The following EPHA6 variants were observed in gnomAD, a reference collection of about 807,000 sequenced individuals.
EPHA6 encodes ephrin type-A receptor 6.
In EPHA6, 50 loss-of-function variants were observed where a neutral mutation model predicts 112.0. The ratio of observed to expected loss-of-function variants is 0.45; its 90% CI spans 0.36 to 0.56. EPHA6 has a LOEUF of 0.56. EPHA6 is among the 20% of genes least tolerant of loss of function. The pLI, the probability that EPHA6 is intolerant of heterozygous loss-of-function variation, is 0.00. For missense variants in EPHA6, 1,280 were observed against 1,417.4 expected (o/e 0.90, Z 1.56); for synonymous variants, 529 against 490.7 (o/e 1.08, Z -1.03).
At chr3:97,164,333 C>T (rs577137090) in intron 3 of EPHA6, among the ~76,000 whole-genome samples, 5 of 152,250 alleles carry the variant, frequency 3.3e-5, no homozygotes, top group African/African-American at 4.8e-5. Flanking sequence ...TTTGCCTCCA[C>T]GTAACCACAG....
chr3:97,375,458 G>A (rs772844132), intron 5 of EPHA6, among the ~76,000 whole-genome samples: 1 of 152,014 alleles, frequency 6.6e-6, no homozygotes, highest in Non-Finnish European at 1.5e-5. Context: ...AAAAGCTATT[G>A]AGCATTATTT....
At chr3:96,921,581 C>CTT (rs779978249) in intron 2 of EPHA6, among the ~76,000 whole-genome samples, 2 of 141,798 alleles carry the variant, frequency 1.4e-5, no homozygotes, top group Non-Finnish European at 3.1e-5. Context: ...AAATACACAA[C>CTT]TTTTTTTTTT....
At position 97,189,780 on chromosome 3, in the gene EPHA6, T is replaced by G. The variant is rs143272570; in HGVS notation, c.1115-36484T>G. Among the ~76,000 whole-genome samples the G allele has an allele frequency of 9.3e-3, 1,417 of 152,232 alleles. 7 individuals are homozygous for G. The highest frequency in any genetic ancestry group is 0.017 in the Middle Eastern group (5 of 294). On this transcript the variant is annotated intron_variant, in intron 3 of 17. Coordinates refer to ENST00000389672, the MANE Select transcript of EPHA6 (RefSeq NM_001080448.3). ...TTGTAGGTCATTATGTGACTATGAC[T>G]TAGTTCAGAAACTGTATCTTCTACC...
At chr3:97,570,001 C>T (rs940470856) in intron 11 of EPHA6, 2 of 152,120 alleles carry the variant, frequency 1.3e-5, no homozygotes, top group African/African-American at 2.4e-5. Flanking sequence ...TACCTAAAAA[C>T]AAATTTCTCA....
Position 96,814,672 on chromosome 3 carries a change from G to A in EPHA6, c.49G>A (p.Ala17Thr). The change falls in exon 1 of 18, where the codon GCA (alanine) becomes ACA (threonine). Residue 17 changes from alanine (A) to threonine (T), a missense_variant. Around this residue, in one of 4 missense-constraint regions of EPHA6, gnomAD observed 220 missense variants for 171.5 expected, o/e 1.28. Coordinates refer to ENST00000389672, the MANE Select transcript of EPHA6 (RefSeq NM_001080448.3). ...CGCGAGGAGCTCCCCGGCGCCGCAGGCAGCGTCCTCCTCCGAAGCAGCTGC... is the reference window on the plus strand; with the variant it reads ...CGCGAGGAGCTCCCCGGCGCCGCAGACAGCGTCCTCCTCCGAAGCAGCTGC... ...PAARSSPAPQ[A>T]ASSSEAAAPA... is the part of the protein sequence containing the mutation. 3 of 1,483,288 alleles carry A rather than the reference G, an allele frequency of 2.0e-6. No homozygotes were observed. Among genetic ancestry groups the A allele is most frequent in the Non-Finnish European group, 2.7e-6 (3 of 1,116,116 alleles). 91.9% of individuals were successfully genotyped at this position (1,483,288 alleles called of 1,614,324 possible).
At chr3:96,893,736 C>G (rs2038108038) in intron 2 of EPHA6, among the ~76,000 whole-genome samples, 1 of 152,122 alleles carries the variant, frequency 6.6e-6, no homozygotes, top group African/African-American at 2.4e-5. Flanking sequence ...AGAAGTCTAG[C>G]CTTCTCAGCA....
intron 13 of EPHA6, among the ~76,000 whole-genome samples, chr3:97,618,015 G>C (rs760621131): frequency 3.3e-5 from 5 of 152,042 alleles, no homozygotes; most frequent in Admixed American, 6.6e-5. Flanking sequence ...CTCTAAAATT[G>C]ATCACATAAT....
intron 16 of EPHA6, among the ~76,000 whole-genome samples, chr3:97,746,657 T>C (rs1002318769): frequency 2.6e-5 from 4 of 151,888 alleles, no homozygotes; most frequent in Admixed American, 6.6e-5. Context: ...GTAATACTTT[T>C]ATACTTCCCC....
chr3:96,866,953 T>A (rs1411984696), intron 2 of EPHA6, 64 bp downstream of exon 2: 1 of 932,582 alleles, frequency 1.1e-6, no homozygotes, highest in East Asian at 3.1e-5. Flanking sequence ...TAATAGTTGA[T>A]GGAACAGTGA....
At chr3:97,264,087 T>C (rs1421012966) in intron 5 of EPHA6, among the ~76,000 whole-genome samples, 1 of 152,252 alleles carries the variant, frequency 6.6e-6, no homozygotes, top group Non-Finnish European at 1.5e-5. Flanking sequence ...CTGAACTCTT[T>C]CCTTGTAATA....
chr3:97,106,977 G>A (rs2047589132), intron 3 of EPHA6, among the ~76,000 whole-genome samples: 2 of 152,166 alleles, frequency 1.3e-5, no homozygotes, highest in South Asian at 4.2e-4. Context: ...TGGTGATGGT[G>A]GGGTTACCAA....
intron 5 of EPHA6, among the ~76,000 whole-genome samples, chr3:97,276,548 G>A (rs967959345): frequency 6.6e-6 from 1 of 152,154 alleles, no homozygotes; most frequent in Non-Finnish European, 1.5e-5. Context: ...TTGTCTCATA[G>A]TGGAGGCAAG....
chr3:97,166,021 T>C (rs2108411476), intron 3 of EPHA6, among the ~76,000 whole-genome samples: 1 of 152,278 alleles, frequency 6.6e-6, no homozygotes, highest in East Asian at 1.9e-4. Context: ...TTTCATATTT[T>C]CATATGTCAT....
At chr3:96,928,647 A>T (rs1034192009) in intron 2 of EPHA6, among the ~76,000 whole-genome samples, 6 of 152,114 alleles carry the variant, frequency 3.9e-5, no homozygotes, top group African/African-American at 7.2e-5. Context: ...CTTGACTCAG[A>T]GCTGAGTTCA....
At chr3:97,543,991 G>C (rs2092907595) in intron 11 of EPHA6, among the ~76,000 whole-genome samples, 1 of 152,172 alleles carries the variant, frequency 6.6e-6, no homozygotes, top group Non-Finnish European at 1.5e-5. Context: ...GAGATTTTGG[G>C]CTCAGATGAT....
chr3:97,584,327 G>A (rs1008915272), intron 11 of EPHA6, among the ~76,000 whole-genome samples: 2 of 152,144 alleles, frequency 1.3e-5, no homozygotes, highest in African/African-American at 4.8e-5. Flanking sequence ...TGAGAAAGAC[G>A]AATGTATAAG....
At chr3:97,295,785 A>G (rs927216896) in intron 5 of EPHA6, among the ~76,000 whole-genome samples, 1 of 152,010 alleles carries the variant, frequency 6.6e-6, no homozygotes, top group African/African-American at 2.4e-5. Context: ...TTATTTGACT[A>G]TACACAGAGT....
intron 3 of EPHA6, among the ~76,000 whole-genome samples, chr3:97,049,694 G>A (rs936570860): frequency 2.0e-5 from 3 of 152,138 alleles, no homozygotes; most frequent in Non-Finnish European, 4.4e-5. Context: ...TGATGGCTAG[G>A]AATTTCAAGA....
intron 5 of EPHA6, among the ~76,000 whole-genome samples, chr3:97,353,834 G>A (rs2083928276): frequency 6.6e-6 from 1 of 152,154 alleles, no homozygotes; most frequent in Non-Finnish European, 1.5e-5. Context: ...CCAGTACTGT[G>A]CTAGCTTCAG....
Sources: allele counts gnomAD v4.1 joint callset (sites outside exome capture counted in the v4.1 genomes callset), GRCh38; gene constraint gnomAD v4.1.1; regional missense constraint gnomAD v4.1.1; transcripts MANE v1.5; gene names NCBI Gene and HGNC (gene_info 2026-07-23, HGNC 2026-07-21).